The following SRP68 variants were observed in gnomAD, a reference collection of about 807,000 sequenced individuals.
SRP68 encodes signal recognition particle subunit SRP68.
Under a neutral mutation model 82.2 loss-of-function variants are expected in SRP68, and 15 were observed. The ratio of observed to expected loss-of-function variants is 0.18; its 90% CI spans 0.12 to 0.28. The LOEUF is 0.28. Ranked by LOEUF, SRP68 falls within the 10% of genes least tolerant of loss-of-function variation. The pLI, the probability that SRP68 is intolerant of heterozygous loss-of-function variation, is 1.00. For missense variants in SRP68, 595 were observed against 780.5 expected, an observed-to-expected ratio of 0.76 and a Z score of 2.83; for synonymous variants, 261 against 292.6, an observed-to-expected ratio of 0.89 and a Z score of 1.10.
intron 3 of SRP68, among the ~76,000 whole-genome samples, chr17:76,065,529 T>C (rs941433102): frequency 1.3e-5 from 2 of 152,004 alleles, no homozygotes; most frequent in East Asian, 1.9e-4. Flanking sequence ...CATCCTATTA[T>C]GGTCTCCAGG....
At chr17:76,060,440 A>G (rs1325019802) in intron 6 of SRP68, 50 bp from the exon 7 acceptor site, 1 of 1,369,208 alleles carries the variant, frequency 7.3e-7, no homozygotes, top group East Asian at 2.3e-5. Context: ...TGTTTTCTTG[A>G]GAATCACTAG....
chr17:76,061,750 C>A, intron 4 of SRP68, 176 bp from the exon 5 acceptor site: 1 of 479,420 alleles, frequency 2.1e-6, no homozygotes, highest in Non-Finnish European at 3.8e-6. Flanking sequence ...CACTTGAACC[C>A]ACAGTTGAAG....
intron 8 of SRP68, among the ~76,000 whole-genome samples, chr17:76,055,673 G>GA (rs1420900668): frequency 6.6e-6 from 1 of 151,504 alleles, no homozygotes; most frequent in Non-Finnish European, 1.5e-5. Context: ...AGAATGGCGT[G>GA]AACCTGGGAG....
intron 2 of SRP68, among the ~76,000 whole-genome samples, chr17:76,070,079 A>AAAAC (rs1208330539): frequency 9.9e-5 from 15 of 151,858 alleles, no homozygotes; most frequent in South Asian, 2.1e-4. Context: ...TCCATCTCAA[A>AAAAC]AAACAAACAA....
intron 15 of SRP68, 89 bp from the exon 16 acceptor site, chr17:76,040,022 CT>C: frequency 7.7e-7 from 1 of 1,301,250 alleles, no homozygotes; most frequent in Non-Finnish European, 1.1e-6. Context: ...TGGTTCAGAG[CT>C]TTACAGGGGC....
chr17:76,040,411 A>G lies in SRP68; in HGVS notation c.1656+8T>C. The stretch of plus-strand genomic sequence containing the variant: ...TCGTATTCCTCAAAAACCATGGCCC[A>G]GACTTACCTTATTGTCCTTGACTTG... On this transcript the variant is annotated splice_region_variant and intron_variant, in intron 15 of 15. Coordinates refer to ENST00000307877, the MANE Select transcript of SRP68 (RefSeq NM_014230.4). 2 of 1,613,658 alleles carry G rather than the reference A, an allele frequency of 1.2e-6. No individual in the cohort carries two copies. Among genetic ancestry groups the G allele is most frequent in the Non-Finnish European group, 1.7e-6 (2 of 1,179,530 alleles).
intron 13 of SRP68, among the ~76,000 whole-genome samples, chr17:76,042,022 C>T (rs1598256732): frequency 6.6e-6 from 1 of 151,880 alleles, no homozygotes; most frequent in Non-Finnish European, 1.5e-5. Flanking sequence ...TAGCTGGGAC[C>T]ACAGGCGCCT....
chr17:76,053,394 G>A (rs2144502681), intron 8 of SRP68: 7 of 879,522 alleles, frequency 8.0e-6, no homozygotes, highest in East Asian at 1.2e-4. Context: ...TCAGACAAGT[G>A]GGGTTAAGTG....
At chr17:76,052,301 T>C (rs988562651) in intron 8 of SRP68, among the ~76,000 whole-genome samples, 2 of 152,234 alleles carry the variant, frequency 1.3e-5, no homozygotes, top group African/African-American at 4.8e-5. Context: ...GTTGGCAAGA[T>C]TCTTTAGAAT....
At chr17:76,051,225 G>GT (rs1449485784) in intron 8 of SRP68, among the ~76,000 whole-genome samples, 1 of 152,170 alleles carries the variant, frequency 6.6e-6, no homozygotes, top group Non-Finnish European at 1.5e-5. Context: ...CAAGTACTGG[G>GT]TGTCACCTGT....
intron 3 of SRP68, among the ~76,000 whole-genome samples, chr17:76,064,797 C>T (rs915242462): frequency 4.1e-5 from 6 of 145,326 alleles, no homozygotes; most frequent in Admixed American, 2.9e-4. Flanking sequence ...GCTGAGATCA[C>T]GCCACTATAC....
intron 8 of SRP68, 39 bp downstream of exon 8, chr17:76,057,364 C>T: frequency 6.2e-7 from 1 of 1,612,470 alleles, no homozygotes; most frequent in Non-Finnish European, 8.5e-7. Flanking sequence ...AACCTTCAGA[C>T]ACATACAGAA....
chr17:76,067,646 G>A (rs894757133), intron 2 of SRP68, among the ~76,000 whole-genome samples: 3 of 151,892 alleles, frequency 2.0e-5, no homozygotes, highest in African/African-American at 7.3e-5. Flanking sequence ...TGTACTTTTT[G>A]TAGAGACAGG....
intron 10 of SRP68, among the ~76,000 whole-genome samples, chr17:76,046,475 A>AAC (rs1555627844): frequency 4.4e-5 from 5 of 113,332 alleles, no homozygotes; most frequent in Non-Finnish European, 8.3e-5. Flanking sequence ...GAAAAAAAAA[A>AAC]AAAAAAAAAC....
At chr17:76,042,275 C>T (rs1391474558) in intron 13 of SRP68, among the ~76,000 whole-genome samples, 1 of 152,052 alleles carries the variant, frequency 6.6e-6, no homozygotes, top group African/African-American at 2.4e-5. Context: ...ACCATCACAG[C>T]ACGCCACAAG....
At position 76,061,161 on chromosome 17, in the gene SRP68, G is replaced by C; in HGVS notation, c.703C>G (p.Gln235Glu). 1 of 1,613,974 alleles carries C rather than the reference G, an allele frequency of 6.2e-7. No individual in the cohort carries two copies. ...FTEEQAVLYN[Q>E]RVEEISPNIR... ...TTGGGTGAAATCTCTTCCACACGTT[G>C]GTTATACAGCACAGCCTGCTCCTCT... The change falls in exon 6 of 16, where the codon CAA becomes GAA. Residue 235 changes from glutamine to glutamate, a missense_variant. Around this residue, in one of 2 missense-constraint regions of SRP68, gnomAD observed 495 missense variants for 688.6 expected, o/e 0.72. Transcript: ENST00000307877.
intron 13 of SRP68, chr17:76,043,352 T>C (rs2066606012): frequency 6.6e-6 from 1 of 152,258 alleles, no homozygotes; most frequent in Non-Finnish European, 1.5e-5. Context: ...CCGCTGCTGC[T>C]GGTCTTGCGC....
At position 76,072,417 on chromosome 17, in the gene SRP68, GCCGCCGCCACTGCCA is replaced by G. The variant is rs748162817; in HGVS notation, c.60_74del (p.Gly26_Gly30del). On this transcript the variant is annotated inframe_deletion, in exon 1 of 16. Coordinates refer to ENST00000307877, the MANE Select transcript of SRP68 (RefSeq NM_014230.4). The surrounding 1 kb of genome is among the most constrained non-coding windows in gnomAD (Gnocchi z 4.5). ...CGGCACCACGTCCACCGCCGCTACC[GCCGCCGCCACTGCCA>G]CCGCCGCCGCCACTGCCGCCGCCGC... 6.3e-7 allele frequency: 1 copy of G among 1,583,696 alleles called. No individual in the cohort carries two copies. Among genetic ancestry groups the G allele is most frequent in the Non-Finnish European group, 8.6e-7 (1 of 1,167,078 alleles).
intron 2 of SRP68, among the ~76,000 whole-genome samples, chr17:76,067,583 C>T (rs757426628): frequency 1.3e-5 from 2 of 152,096 alleles, no homozygotes; most frequent in African/African-American, 2.4e-5. Flanking sequence ...CCCACCTCAG[C>T]CTCCTGGGTA....
Sources: allele counts gnomAD v4.1 joint callset (sites outside exome capture counted in the v4.1 genomes callset), GRCh38; gene constraint gnomAD v4.1.1; regional missense constraint gnomAD v4.1.1; non-coding constraint Gnocchi (gnomAD v3.1); transcripts MANE v1.5; gene names NCBI Gene and HGNC (gene_info 2026-07-23, HGNC 2026-07-21).